The following SOX6 variants were observed in gnomAD, a reference collection of about 807,000 sequenced individuals.
SOX6 encodes the protein transcription factor SOX-6.
Under a neutral mutation model 97.8 loss-of-function variants are expected in SOX6, and 11 were observed. That is an observed-to-expected ratio of 0.11 (90% confidence interval 0.07 to 0.19). The LOEUF (loss-of-function observed/expected upper bound fraction) is 0.19. SOX6 is among the 10% of genes least tolerant of loss of function. The pLI is 1.00. For synonymous variants in SOX6, 360 were observed against 371.4 expected, an observed-to-expected ratio of 0.97 and a Z score of 0.35; for missense variants, 810 against 1,039.5, an observed-to-expected ratio of 0.78 and a Z score of 3.04.
intron 15 of SOX6, among the ~76,000 whole-genome samples, chr11:15,985,517 T>C (rs1853806227): frequency 6.6e-6 from 1 of 152,184 alleles, no homozygotes; most frequent in Non-Finnish European, 1.5e-5. Context: ...CCACTTATCC[T>C]GACTACTGTG....
At chr11:16,049,734 G>A (rs1847636326) in intron 11 of SOX6, 21 bp downstream of exon 11, 1 of 1,612,664 alleles carries the variant, frequency 6.2e-7, no homozygotes, top group African/African-American at 1.3e-5. Flanking sequence ...GTCTCTTCCT[G>A]GTGTTGACTT....
intron 2 of SOX6, among the ~76,000 whole-genome samples, chr11:16,735,618 A>C (rs1026821456): frequency 2.6e-5 from 4 of 152,216 alleles, no homozygotes; most frequent in African/African-American, 9.6e-5. Flanking sequence ...AATTAGACTT[A>C]AGGACTGAAT....
Position 16,077,750 on chromosome 11 carries a change from A to G in SOX6, c.1101+18246T>C, listed in dbSNP as rs138658454. 3.2e-4 allele frequency among the ~76,000 whole-genome samples: 48 copies of G among 152,314 alleles called. 1 individual carries two copies. The highest frequency in any genetic ancestry group is 9.6e-4 in the African/African-American group (40 of 41,584). ...ATATTCTCACTTACAAGTAGGAGCT[A>G]AACTTTGAGAACACATGGCCATAAA... On this transcript the variant is annotated intron_variant, in intron 9 of 15. Coordinates refer to ENST00000683767, the MANE Select transcript of SOX6 (RefSeq NM_001367873.1).
Position 16,531,067 on chromosome 11 carries a change from T to G in SOX6, n.610-54679A>C, listed in dbSNP as rs144910690. Among the ~76,000 whole-genome samples the G allele has an allele frequency of 1.8e-3, 262 of 149,390 alleles. 1 individual carries two copies. Among genetic ancestry groups the G allele is most frequent in the African/African-American group, 6.2e-3 (254 of 41,096 alleles). ...AGATAGATATACATCTCTATATAGA[T>G]ATATATTTCAGATTAAATTAAACTT... On this transcript the variant is annotated intron_variant and non_coding_transcript_variant, in intron 4 of 5. Coordinates refer to the SOX6 transcript ENST00000524520.
chr11:16,324,342 T>C (rs1292045343), intron 2 of SOX6, among the ~76,000 whole-genome samples: 2 of 152,132 alleles, frequency 1.3e-5, no homozygotes, highest in African/African-American at 4.8e-5. Flanking sequence ...AACACAGCCA[T>C]TAAAAACAAA....
At chr11:16,499,546 A>G (rs535143373) in intron 4 of SOX6, among the ~76,000 whole-genome samples, 1 of 152,310 alleles carries the variant, frequency 6.6e-6, no homozygotes, top group Non-Finnish European at 1.5e-5. Context: ...AGATCAACGA[A>G]ATTGATAAAC....
chr11:16,144,761 A>G (rs1850244537), intron 6 of SOX6, among the ~76,000 whole-genome samples: 1 of 152,252 alleles, frequency 6.6e-6, no homozygotes, highest in African/African-American at 2.4e-5. Flanking sequence ...AGAAATGGAT[A>G]AATTCCTCGA....
At chr11:16,124,896 T>C (rs1236391351) in intron 6 of SOX6, among the ~76,000 whole-genome samples, 1 of 151,960 alleles carries the variant, frequency 6.6e-6, no homozygotes, top group Non-Finnish European at 1.5e-5. Context: ...AGGCCCAAAA[T>C]GGGGATAATG....
chr11:16,002,727 G>A (rs1319825425), intron 13 of SOX6, among the ~76,000 whole-genome samples: 1 of 152,130 alleles, frequency 6.6e-6, no homozygotes, highest in Non-Finnish European at 1.5e-5. Context: ...GATGCCCTTG[G>A]AGAATAATGA....
At chr11:16,257,997 A>C (rs545029498) in intron 3 of SOX6, among the ~76,000 whole-genome samples, 1 of 57,324 alleles carries the variant, frequency 1.7e-5, no homozygotes, top group Non-Finnish European at 4.2e-5. Flanking sequence ...AATTAAAAGA[A>C]TTTAAAAAAA....
intron 9 of SOX6, among the ~76,000 whole-genome samples, chr11:16,057,625 T>A (rs1847852257): frequency 6.6e-6 from 1 of 152,182 alleles, no homozygotes; most frequent in Non-Finnish European, 1.5e-5. Context: ...TGTACTGGTG[T>A]CCTTGTTTCC....
chr11:16,404,073 C>T (rs1324253547), intron 1 of SOX6, among the ~76,000 whole-genome samples: 1 of 151,290 alleles, frequency 6.6e-6, no homozygotes, highest in East Asian at 1.9e-4. Context: ...TATGGGGCCA[C>T]AGTACATGTT....
At chr11:16,036,546 T>C (rs1276200273) in intron 12 of SOX6, among the ~76,000 whole-genome samples, 1 of 152,190 alleles carries the variant, frequency 6.6e-6, no homozygotes, top group Non-Finnish European at 1.5e-5. Context: ...CTAGAGATAA[T>C]GTGGACGAGT....
intron 6 of SOX6, among the ~76,000 whole-genome samples, chr11:16,118,004 A>T (rs1173648671): frequency 6.6e-6 from 1 of 152,208 alleles, no homozygotes; most frequent in Non-Finnish European, 1.5e-5. Flanking sequence ...CCCTAAACAC[A>T]AATTCAGAGA....
intron 4 of SOX6, among the ~76,000 whole-genome samples, chr11:16,219,602 A>T (rs1000634651): frequency 1.5e-4 from 23 of 152,084 alleles, no homozygotes; most frequent in African/African-American, 5.5e-4. Context: ...CAACACATTT[A>T]AAAATGTAGA....
In SOX6 at chr11:16,590,724, T is replaced by C. The variant is rs567971704; in HGVS notation, n.609+21357A>G. 5.9e-5 allele frequency among the ~76,000 whole-genome samples: 9 copies of C among 152,108 alleles called. No individual in the cohort carries two copies. In the East Asian group the frequency reaches 1.7e-3, roughly 29 times the overall value. On this transcript the variant is annotated intron_variant and non_coding_transcript_variant, in intron 4 of 5. Coordinates refer to the SOX6 transcript ENST00000524520. ...AAGACAAACTTCATATGTTATCACTTACATGTGAGAGCTTAAAAAAAAAAT... is the reference window on the plus strand; with the variant it reads ...AAGACAAACTTCATATGTTATCACTCACATGTGAGAGCTTAAAAAAAAAAT...
intron 3 of SOX6, among the ~76,000 whole-genome samples, chr11:16,625,900 C>T (rs1049972381): frequency 1.3e-5 from 2 of 152,108 alleles, no homozygotes; most frequent in Non-Finnish European, 2.9e-5. Context: ...AAACTATTTT[C>T]CTGAGTTCTG....
chr11:16,313,848 CTT>C (rs1565085833), intron 3 of SOX6: 1 of 149,698 alleles, frequency 6.7e-6, no homozygotes, highest in Non-Finnish European at 1.5e-5. Context: ...TCTGAGCACT[CTT>C]TGAACCATTC....
At chr11:16,150,854 A>G (rs1273856215) in intron 6 of SOX6, among the ~76,000 whole-genome samples, 1 of 152,178 alleles carries the variant, frequency 6.6e-6, no homozygotes, top group Non-Finnish European at 1.5e-5. Flanking sequence ...GTCACATTCT[A>G]TAACTAATTA....
Sources: allele counts gnomAD v4.1 joint callset (sites outside exome capture counted in the v4.1 genomes callset), GRCh38; gene constraint gnomAD v4.1.1; transcripts MANE v1.5; gene names NCBI Gene and HGNC (gene_info 2026-07-23, HGNC 2026-07-21).